PSAPL1: variants seen among roughly 807,000 people sequenced by gnomAD.
PSAPL1 encodes the protein prosaposin like 1, also known as proactivator polypeptide-like 1.
For synonymous variants in PSAPL1, 351 were observed against 291.6 expected (o/e 1.20, Z -2.08); for missense variants, 814 against 688.8 (o/e 1.18, Z -2.03).
At position 7,434,062 on chromosome 4, in the gene PSAPL1, G is replaced by A. The variant is rs1266244585; in HGVS notation, c.818C>T (p.Pro273Leu). 6.2e-7 allele frequency: 1 copy of A among 1,611,236 alleles called. No individual in the cohort carries two copies. The highest frequency in any genetic ancestry group is 8.5e-7 in the Non-Finnish European group (1 of 1,177,948). ...LTQVVAMDGV[P>L]SLELGLPRKQ... ...CCTTGGCAACCCCAGCTCCAGGGAG[G>A]GGACCCCGTCCATGGCCACTACTTG... is the stretch of plus-strand genomic sequence containing the variant. Residue 273 changes from proline (P) to leucine (L), a missense_variant, in exon 1 of 1, where the codon CCC becomes CTC. By Grantham distance (98) the Pro-to-Leu change is moderately conservative. Coordinates refer to ENST00000319098, the MANE Select transcript of PSAPL1 (RefSeq NM_001085382.2).
chr4:7,433,986 C>G lies in PSAPL1; in HGVS notation c.894G>C (p.Met298Ile). ...MKAGVTCEVCMNVVQKLDHWL... is the reference protein window; with the variant it reads ...MKAGVTCEVCINVVQKLDHWL... ...AGTGGTCCAGCTTCTGCACCACGTT[C>G]ATGCACACCTCACAGGTCACACCGG... Residue 298 changes from methionine to isoleucine, a missense_variant, in exon 1 of 1, where the codon ATG (methionine) becomes ATC (isoleucine). By Grantham distance (10) the Met-to-Ile change is conservative. Coordinates refer to ENST00000319098, the MANE Select transcript of PSAPL1 (RefSeq NM_001085382.2). 1 of 1,613,786 alleles carries G rather than the reference C, an allele frequency of 6.2e-7. No homozygotes were observed. Among genetic ancestry groups the G allele is most frequent in the Non-Finnish European group, 8.5e-7 (1 of 1,179,822 alleles).
At position 7,433,126 on chromosome 4, in the gene PSAPL1, C is replaced by G; in HGVS notation, c.*188G>C. The G allele has an allele frequency of 1.9e-6, 1 of 526,310 alleles. No homozygotes were observed. Among genetic ancestry groups the G allele is most frequent in the Non-Finnish European group, 3.0e-6 (1 of 337,862 alleles). 32.6% of individuals were successfully genotyped at this position (526,310 alleles called of 1,614,324 possible). A position where few individuals can be genotyped will look rare whatever the true frequency, so the allele number is the denominator to read the frequency against. On this transcript the variant is annotated 3_prime_UTR_variant, in exon 1 of 1. Transcript: ENST00000319098. ...GGTCCAGTAGAGATGCTTTCAAGGGCAAAGCTGTGCGGCACCGTTGTTAAG... is the reference window on the plus strand; with the variant it reads ...GGTCCAGTAGAGATGCTTTCAAGGGGAAAGCTGTGCGGCACCGTTGTTAAG...
Position 7,433,334 on chromosome 4 carries a change from G to A in PSAPL1, c.1546C>T (p.His516Tyr). Residue 516 changes from histidine to tyrosine, a missense_variant, in exon 1 of 1, where the codon CAC (histidine) becomes TAC (tyrosine). Coordinates refer to ENST00000319098, the MANE Select transcript of PSAPL1 (RefSeq NM_001085382.2). ...CACGGTCACGCGTGTTCCCCAGCGTGGAGGTGCATCTCTTTCCATACATGC... is the reference window on the plus strand; with the variant it reads ...CACGGTCACGCGTGTTCCCCAGCGTAGAGGTGCATCTCTTTCCATACATGC... The part of the protein sequence containing the change: ...QKHVWKEMHL[H>Y]AGEHA The A allele has an allele frequency of 7.0e-7, 1 of 1,422,886 alleles. No homozygotes were observed. Among genetic ancestry groups the A allele is most frequent in the East Asian group, 2.6e-5 (1 of 38,412 alleles). 88.1% of individuals were successfully genotyped at this position (1,422,886 alleles called of 1,614,324 possible).
Position 7,433,643 on chromosome 4 carries a change from T to C in PSAPL1, c.1237A>G (p.Lys413Glu). The C allele has an allele frequency of 6.2e-7, 1 of 1,610,690 alleles. No individual in the cohort carries two copies. Among genetic ancestry groups the C allele is most frequent in the Non-Finnish European group, 8.5e-7 (1 of 1,178,042 alleles). ...ACCAGGATGTCTCGCTTGGTGCTCTTGCTCTCCAAGTTGTGGGAGGACACC... is the reference window on the plus strand; with the variant it reads ...ACCAGGATGTCTCGCTTGGTGCTCTCGCTCTCCAAGTTGTGGGAGGACACC... ...LTVSSHNLES[K>E]STKRDILVAF... The change falls in exon 1 of 1, where the codon AAG (lysine) becomes GAG (glutamate). Residue 413 changes from lysine (K) to glutamate (E), a missense_variant. Physicochemically the swap from Lys to Glu is moderately conservative, Grantham distance 56. Coordinates refer to ENST00000319098, the MANE Select transcript of PSAPL1 (RefSeq NM_001085382.2).
At position 7,433,630 on chromosome 4, in the gene PSAPL1, C is replaced by T. The variant is rs747716104; in HGVS notation, c.1250G>A (p.Arg417Gln). The T allele has an allele frequency of 1.9e-5, 30 of 1,610,688 alleles. No individual in the cohort carries two copies. In the Admixed American group the frequency reaches 2.2e-4, roughly 12 times the overall value. ...SHNLESKSTK[R>Q]DILVAFKGGC... is the part of the protein sequence containing the mutation. ...ACCCTTGAAGGCCACCAGGATGTCT[C>T]GCTTGGTGCTCTTGCTCTCCAAGTT... The change falls in exon 1 of 1, where the codon CGA becomes CAA. Residue 417 changes from arginine (R) to glutamine (Q), a missense_variant. Physicochemically the swap from Arg to Gln is conservative, Grantham distance 43 (BLOSUM62 1). Transcript: ENST00000319098.
Position 7,433,871 on chromosome 4 carries a change from T to C in PSAPL1, c.1009A>G (p.Ile337Val). The C allele has an allele frequency of 6.2e-7, 1 of 1,613,730 alleles. No homozygotes were observed. Among genetic ancestry groups the C allele is most frequent in the Non-Finnish European group, 8.5e-7 (1 of 1,179,846 alleles). ...VMPASITKEC[I>V]ILVDTYSPSL... is the part of the protein sequence containing the mutation. ...GGGCTGTAGGTGTCCACCAAGATGA[T>C]GCACTCCTTCGTGATAGAGGCAGGC... Residue 337 changes from isoleucine (I) to valine (V), a missense_variant, in exon 1 of 1, where the codon ATC becomes GTC. Ile to Val is a conservative substitution (Grantham distance 29, BLOSUM62 3). Coordinates refer to ENST00000319098, the MANE Select transcript of PSAPL1 (RefSeq NM_001085382.2).
Position 7,431,992 on chromosome 4 carries a change from C to A in PSAPL1, c.*1322G>T, listed in dbSNP as rs1475150295. 6.6e-6 allele frequency: 1 copy of A among 152,306 alleles called. No individual in the cohort carries two copies. The highest frequency in any genetic ancestry group is 1.5e-5 in the Non-Finnish European group (1 of 68,136). 9.4% of individuals were successfully genotyped at this position (152,306 alleles called of 1,614,324 possible). A position where few individuals can be genotyped will look rare whatever the true frequency, so the allele number is the denominator to read the frequency against. Reference sequence around the variant, plus strand: ...GTGCGGCTCCCAGATGTGTGAGCACCTGCTGCGTGCAGATGCTGGGCCAGC... The same window carrying A: ...GTGCGGCTCCCAGATGTGTGAGCACATGCTGCGTGCAGATGCTGGGCCAGC... On this transcript the variant is annotated 3_prime_UTR_variant, in exon 1 of 1. Transcript: ENST00000319098.
chr4:7,434,814 G>A lies in PSAPL1; in HGVS notation c.66C>T (p.Gly22=). ...TGGAGCCCTTTGCACACTCCTGGGG[G>A]CCTGAGGTGGGGCTGGCCCTGGTGG... ...LGATRASPTS[G]PQECAKGSTV... Residue 22 remains glycine, a synonymous_variant, in exon 1 of 1, where the codon GGC becomes GGT. Coordinates refer to ENST00000319098, the MANE Select transcript of PSAPL1 (RefSeq NM_001085382.2). The A allele has an allele frequency of 7.5e-6, 12 of 1,605,428 alleles. No homozygotes were observed. Among genetic ancestry groups the A allele is most frequent in the Non-Finnish European group, 1.0e-5 (12 of 1,176,470 alleles).
Position 7,431,962 on chromosome 4 carries a change from C to G in PSAPL1, c.*1352G>C, listed in dbSNP as rs56879054. 2 of 152,286 alleles carry G rather than the reference C, an allele frequency of 1.3e-5. No homozygotes were observed. Among genetic ancestry groups the G allele is most frequent in the African/African-American group, 4.8e-5 (2 of 41,428 alleles). 9.4% of individuals were successfully genotyped at this position (152,286 alleles called of 1,614,324 possible). ...AATACCAGCTTCCACCCCCGGGACT[C>G]ATGTGTGCGGCTCCCAGATGTGTGA... On this transcript the variant is annotated 3_prime_UTR_variant, in exon 1 of 1. Coordinates refer to ENST00000319098, the MANE Select transcript of PSAPL1 (RefSeq NM_001085382.2).
chr4:7,434,644 T>G lies in PSAPL1; in HGVS notation c.236A>C (p.Asn79Thr), dbSNP rs56180012. The change falls in exon 1 of 1, where the codon AAC becomes ACC. Residue 79 changes from asparagine (N) to threonine (T), a missense_variant. Transcript: ENST00000319098. Reference protein sequence around the residue: ...DIAAAAGNGLNPDATESDILA... With the variant: ...DIAAAAGNGLTPDATESDILA... ...GATGTCAGACTCCGTGGCGTCAGGG[T>G]TCAGCCCATTGCCAGCGGCGGCTGC... 6.2e-7 allele frequency: 1 copy of G among 1,613,356 alleles called. No homozygotes were observed. Among genetic ancestry groups the G allele is most frequent in the South Asian group, 1.1e-5 (1 of 90,906 alleles).
chr4:7,431,349 C>G lies in PSAPL1; in HGVS notation c.*1965G>C, dbSNP rs1256788734. 6.6e-6 allele frequency: 1 copy of G among 152,356 alleles called. No individual in the cohort carries two copies. The highest frequency in any genetic ancestry group is 2.4e-5 in the African/African-American group (1 of 41,450). The allele number at this position is 152,356 out of a possible 1,614,324, so 9.4% of individuals were successfully genotyped here. ...GGGGCAGGTGGGCTGAGCTGGGCCA[C>G]CTGGCAGGTGTGGCGCTTGCCCTCT... On this transcript the variant is annotated 3_prime_UTR_variant, in exon 1 of 1. Coordinates refer to ENST00000319098, the MANE Select transcript of PSAPL1 (RefSeq NM_001085382.2).
In PSAPL1 at chr4:7,434,080, A is replaced by C. The variant is rs1157974400; in HGVS notation, c.800T>G (p.Val267Gly). 4.3e-6 allele frequency: 7 copies of C among 1,611,670 alleles called. No homozygotes were observed. Among genetic ancestry groups the C allele is most frequent in the Non-Finnish European group, 5.9e-6 (7 of 1,178,262 alleles). ...LGAPARLTQVVAMDGVPSLEL... is the reference protein window; with the variant it reads ...LGAPARLTQVGAMDGVPSLEL... ...CAGGGAGGGGACCCCGTCCATGGCC[A>C]CTACTTGAGTCAAACGGGCAGGTGC... is the stretch of plus-strand genomic sequence containing the variant. The change falls in exon 1 of 1, where the codon GTG becomes GGG. Residue 267 changes from valine to glycine, a missense_variant. Val to Gly is a moderately radical substitution (Grantham distance 109). Transcript: ENST00000319098.
rs1156933348 is a variant in PSAPL1, at chr4:7,430,424, C to G, written c.*2890G>C. On this transcript the variant is annotated 3_prime_UTR_variant, in exon 1 of 1. Coordinates refer to ENST00000319098, the MANE Select transcript of PSAPL1 (RefSeq NM_001085382.2). ...AACAACAACAAAGCAGCTGGACCAC[C>G]AAGCCCTTTTCCAGGCTCCCACAGC... 1.3e-5 allele frequency: 2 copies of G among 152,414 alleles called. No homozygotes were observed. The highest frequency in any genetic ancestry group is 2.4e-5 in the African/African-American group (1 of 41,570). The allele number at this position is 152,414 out of a possible 1,614,324, so 9.4% of individuals were successfully genotyped here. A position where few individuals can be genotyped will look rare whatever the true frequency, so the allele number is the denominator to read the frequency against.
Position 7,431,188 on chromosome 4 carries a change from C to CGGGCAACCATCTAGT in PSAPL1, c.*2111_*2125dup, listed in dbSNP as rs1405182673. 2.0e-5 allele frequency: 3 copies of CGGGCAACCATCTAGT among 152,470 alleles called. No individual in the cohort carries two copies. Among genetic ancestry groups the CGGGCAACCATCTAGT allele is most frequent in the Non-Finnish European group, 4.4e-5 (3 of 68,238 alleles). 9.4% of individuals were successfully genotyped at this position (152,470 alleles called of 1,614,324 possible). A position where few individuals can be genotyped will look rare whatever the true frequency, so the allele number is the denominator to read the frequency against. ...CATGGCCAGTGAGCTCCGTTCATCACGGGCAACCATCTAGTGGAGACGCAT... is the reference window on the plus strand; with the variant it reads ...CATGGCCAGTGAGCTCCGTTCATCACGGGCAACCATCTAGTGGGCAACCATCTAGTGGAGACGCAT... On this transcript the variant is annotated 3_prime_UTR_variant, in exon 1 of 1. Transcript: ENST00000319098.
Position 7,434,912 on chromosome 4 carries a change from C to T in PSAPL1, c.-33G>A. ...AGGGACTCTCTGGCTCCAGAGTACCCAGCAGTGGCTGCTGCTATAAACCTG... is the reference window on the plus strand; with the variant it reads ...AGGGACTCTCTGGCTCCAGAGTACCTAGCAGTGGCTGCTGCTATAAACCTG... On this transcript the variant is annotated 5_prime_UTR_variant, in exon 1 of 1. Transcript: ENST00000319098. The T allele has an allele frequency of 6.7e-7, 1 of 1,499,938 alleles. No homozygotes were observed. Among genetic ancestry groups the T allele is most frequent in the Non-Finnish European group, 8.9e-7 (1 of 1,125,214 alleles). The allele number at this position is 1,499,938 out of a possible 1,614,324, so 92.9% of individuals were successfully genotyped here.
chr4:7,433,874 A>G lies in PSAPL1; in HGVS notation c.1006T>C (p.Cys336Arg). The G allele has an allele frequency of 1.2e-6, 2 of 1,613,576 alleles. No homozygotes were observed. Among genetic ancestry groups the G allele is most frequent in the Non-Finnish European group, 1.7e-6 (2 of 1,179,838 alleles). ...SVMPASITKE[C>R]IILVDTYSPS... ...CTGTAGGTGTCCACCAAGATGATGC[A>G]CTCCTTCGTGATAGAGGCAGGCATT... is the stretch of plus-strand genomic sequence containing the variant. The change falls in exon 1 of 1, where the codon TGC becomes CGC. Residue 336 changes from cysteine (C) to arginine (R), a missense_variant. By Grantham distance (180) the Cys-to-Arg change is radical. Transcript: ENST00000319098.
In PSAPL1 at chr4:7,434,512, C is replaced by T. The variant is rs56402179; in HGVS notation, c.368G>A (p.Arg123His). The change falls in exon 1 of 1, where the codon CGT becomes CAT. Residue 123 changes from arginine to histidine, a missense_variant. Arg to His is a conservative substitution (Grantham distance 29). Coordinates refer to ENST00000319098, the MANE Select transcript of PSAPL1 (RefSeq NM_001085382.2). Reference sequence around the variant, plus strand: ...TGCCGGGGCACTGTCCGGGGCCCCACGGAGCATGCTCAGGATGGCCGAACT... The same window carrying T: ...TGCCGGGGCACTGTCCGGGGCCCCATGGAGCATGCTCAGGATGGCCGAACT... Reference protein sequence around the residue: ...AHSSAILSMLRGAPDSAPAQV... With the variant: ...AHSSAILSMLHGAPDSAPAQV... The T allele has an allele frequency of 0.17, 273,724 of 1,612,280 alleles. 24,995 individuals are homozygous for T. The highest frequency in any genetic ancestry group is 0.29 in the Middle Eastern group (1,739 of 6,062).
rs1024090963 is a variant in PSAPL1, at chr4:7,433,907, A to G, written c.973T>C (p.Cys325Arg). 2.5e-6 allele frequency: 4 copies of G among 1,613,870 alleles called. No individual in the cohort carries two copies. Among genetic ancestry groups the G allele is most frequent in the African/African-American group, 2.7e-5 (2 of 75,048 alleles). ...LMITHALERV[C>R]SVMPASITKE... is the part of the protein sequence containing the mutation. ...GTGATAGAGGCAGGCATTACCGAGC[A>G]CACGCGCTCCAGGGCATGGGTGATC... Residue 325 changes from cysteine (C) to arginine (R), a missense_variant, in exon 1 of 1, where the codon TGC becomes CGC. Transcript: ENST00000319098.
Position 7,433,906 on chromosome 4 carries a change from C to A in PSAPL1, c.974G>T (p.Cys325Phe). The change falls in exon 1 of 1, where the codon TGC (cysteine) becomes TTC (phenylalanine). Residue 325 changes from cysteine to phenylalanine, a missense_variant. Physicochemically the swap from Cys to Phe is radical, Grantham distance 205 (BLOSUM62 -2). Coordinates refer to ENST00000319098, the MANE Select transcript of PSAPL1 (RefSeq NM_001085382.2). ...LMITHALERV[C>F]SVMPASITKE... ...CGTGATAGAGGCAGGCATTACCGAG[C>A]ACACGCGCTCCAGGGCATGGGTGAT... The A allele has an allele frequency of 6.2e-7, 1 of 1,613,854 alleles. No homozygotes were observed. Among genetic ancestry groups the A allele is most frequent in the Non-Finnish European group, 8.5e-7 (1 of 1,179,898 alleles).
Sources: allele counts gnomAD v4.1 joint callset, GRCh38; gene constraint gnomAD v4.1.1; transcripts MANE v1.5; gene names NCBI Gene and HGNC (gene_info 2026-07-23, HGNC 2026-07-21).